Variants in SDK1 observed in about 807,000 individuals in gnomAD.
SDK1 encodes sidekick cell adhesion molecule 1, also known as protein sidekick-1.
SDK1 carries 157 observed loss-of-function variants against 245.5 expected under a neutral mutation model. The ratio of observed to expected loss-of-function variants is 0.64; its 90% confidence interval spans 0.56 to 0.73. The LOEUF is 0.73. SDK1 is among the 30% of genes least tolerant of loss of function. The pLI, the probability that SDK1 is intolerant of heterozygous loss-of-function variation, is 0.00. For missense variants in SDK1, 3,583 were observed against 3,002.3 expected (o/e 1.19, Z -4.52); for synonymous variants, 1,647 against 1,278.5 (o/e 1.29, Z -6.15).
At chr7:3,442,085 T>C (rs1235186220) in intron 1 of SDK1, among the ~76,000 whole-genome samples, 2 of 152,170 alleles carry the variant, frequency 1.3e-5, no homozygotes, top group African/African-American at 2.4e-5. Flanking sequence ...GTGGGCATTT[T>C]GGGTGAGATT....
At position 3,435,056 on chromosome 7, in the gene SDK1, A is replaced by G. The variant is rs147065760; in HGVS notation, c.298+133172A>G. Reference sequence around the variant, plus strand: ...ACAAAGTTATATCCCAAAAGTACCAAATTATGTAATTCTTTTTCTGATTAG... The same window carrying G: ...ACAAAGTTATATCCCAAAAGTACCAGATTATGTAATTCTTTTTCTGATTAG... On this transcript the variant is annotated intron_variant, in intron 1 of 44. Coordinates refer to ENST00000404826, the MANE Select transcript of SDK1 (RefSeq NM_152744.4). Among the ~76,000 whole-genome samples, 21 of 152,300 alleles carry G rather than the reference A, an allele frequency of 1.4e-4. No homozygotes were observed. The East Asian group carries it at 2.7e-3, about 20-fold the overall frequency.
rs757222277 is a variant in SDK1 at position 4,265,416 on chromosome 7, G to A, written c.*32G>A. The A allele has an allele frequency of 1.6e-4, 219 of 1,407,398 alleles. No individual in the cohort carries two copies. The highest frequency in any genetic ancestry group is 1.8e-4 in the Non-Finnish European group (197 of 1,089,530). The allele number at this position is 1,407,398 out of a possible 1,614,324, so 87.2% of individuals were successfully genotyped here. The stretch of plus-strand genomic sequence containing the variant: ...CGCCGCGCCTCCCTCAGGGCGGAAC[G>A]GAGGCAACTTTCCGGAGTCTATTTT... On this transcript the variant is annotated 3_prime_UTR_variant, in exon 45 of 45. Coordinates refer to ENST00000404826, the MANE Select transcript of SDK1 (RefSeq NM_152744.4).
chr7:3,651,533 G>A (rs944580535), intron 4 of SDK1, among the ~76,000 whole-genome samples: 2 of 152,112 alleles, frequency 1.3e-5, no homozygotes, highest in African/African-American at 4.8e-5. Context: ...AAAAAATATG[G>A]AAAATCTAGA....
intron 1 of SDK1, among the ~76,000 whole-genome samples, chr7:3,386,646 G>C (rs986962303): frequency 1.3e-5 from 2 of 152,154 alleles, no homozygotes; most frequent in Non-Finnish European, 2.9e-5. Context: ...CATTTACAGG[G>C]AAATGCTGCT....
chr7:3,951,585 A>G, intron 6 of SDK1, 145 bp from the exon 7 acceptor site: 1 of 653,196 alleles, frequency 1.5e-6, no homozygotes, highest in South Asian at 1.9e-5. Context: ...TTACATCTAG[A>G]TTGAGTTTTC....
rs566649390 is a variant in SDK1, at chr7:3,345,834, T to C, written c.298+43950T>C. Reference sequence around the variant, plus strand: ...AGCTTCTCGCAGTAATGTTTGATCCTTTATGATGCAGGTCACCCCATCTAG... The same window carrying C: ...AGCTTCTCGCAGTAATGTTTGATCCCTTATGATGCAGGTCACCCCATCTAG... On this transcript the variant is annotated intron_variant, in intron 1 of 44. Transcript: ENST00000404826. Among the ~76,000 whole-genome samples the C allele has an allele frequency of 4.6e-5, 7 of 152,322 alleles. No homozygotes were observed. In the East Asian group the frequency reaches 1.3e-3, roughly 29 times the overall value.
chr7:4,160,999 A>G (rs1163729156), intron 31 of SDK1, among the ~76,000 whole-genome samples: 1 of 152,220 alleles, frequency 6.6e-6, no homozygotes, highest in African/African-American at 2.4e-5. Context: ...CCGTTCAGTG[A>G]ATATGGACTG....
At position 3,301,278 on chromosome 7, in the gene SDK1, G is replaced by A. The variant is rs1192672182; in HGVS notation, c.-309G>A. On this transcript the variant is annotated 5_prime_UTR_variant, in exon 1 of 45. Transcript: ENST00000404826. ...CACTTTCTTCTCAGCGCCGGGCGGG[G>A]GCGGCGGCGGCGGCGGCTCCTCCGC... 1.2e-5 allele frequency among the ~76,000 whole-genome samples: 1 copy of A among 86,738 alleles called. No individual in the cohort carries two copies. Among genetic ancestry groups the A allele is most frequent in the Non-Finnish European group, 2.2e-5 (1 of 44,730 alleles). The allele number at this position is 86,738 out of a possible 152,430, so 56.9% of individuals were successfully genotyped here. A position where few individuals can be genotyped will look rare whatever the true frequency, so the allele number is the denominator to read the frequency against.
intron 1 of SDK1, among the ~76,000 whole-genome samples, chr7:3,308,767 T>C (rs1478513693): frequency 6.6e-6 from 1 of 152,098 alleles, no homozygotes; most frequent in Non-Finnish European, 1.5e-5. Context: ...TTTGGTTGCC[T>C]TTTCTCCTTT....
Position 3,969,396 on chromosome 7 carries a change from G to A in SDK1, c.1686G>A (p.Leu562=), listed in dbSNP as rs1446271214. 2 of 1,605,140 alleles carry A rather than the reference G, an allele frequency of 1.2e-6. No individual in the cohort carries two copies. Among genetic ancestry groups the A allele is most frequent in the South Asian group, 2.3e-5 (2 of 88,662 alleles). ...TCYAANTEGS[L]NASATLTVWN... ...ATGCGGCCAACACAGAGGGCTCCCTGAATGCATCGGCCACGCTCACTGTGT... is the reference window on the plus strand; with the variant it reads ...ATGCGGCCAACACAGAGGGCTCCCTAAATGCATCGGCCACGCTCACTGTGT... The change falls in exon 11 of 45, where the codon CTG becomes CTA. Residue 562 remains leucine (L), a synonymous_variant. Coordinates refer to ENST00000404826, the MANE Select transcript of SDK1 (RefSeq NM_152744.4).
intron 44 of SDK1, among the ~76,000 whole-genome samples, chr7:4,252,273 G>A (rs1199791593): frequency 1.5e-5 from 2 of 133,818 alleles, no homozygotes; most frequent in Non-Finnish European, 1.5e-5. Context: ...TGTGCTCATT[G>A]TTCAATTCCC....
At chr7:3,936,942 G>A (rs1428232905) in intron 5 of SDK1, among the ~76,000 whole-genome samples, 1 of 152,160 alleles carries the variant, frequency 6.6e-6, no homozygotes, top group Non-Finnish European at 1.5e-5. Flanking sequence ...TTCAGAGAAT[G>A]CCACACGGTC....
At chr7:3,770,010 T>G (rs1356160045) in intron 4 of SDK1, among the ~76,000 whole-genome samples, 4 of 151,748 alleles carry the variant, frequency 2.6e-5, no homozygotes, top group African/African-American at 9.7e-5. Flanking sequence ...TAAGTTCACA[T>G]ATCCCTACTA....
chr7:3,459,006 A>C (rs1163720413), intron 1 of SDK1, among the ~76,000 whole-genome samples: 1 of 152,210 alleles, frequency 6.6e-6, no homozygotes, highest in African/African-American at 2.4e-5. Flanking sequence ...TGTAGAATCA[A>C]TTGTCAAATG....
At chr7:3,566,519 C>A (rs1779924857) in intron 1 of SDK1, among the ~76,000 whole-genome samples, 1 of 151,878 alleles carries the variant, frequency 6.6e-6, no homozygotes, top group South Asian at 2.1e-4. Flanking sequence ...GCCACCACGC[C>A]CGGCCGATAA....
chr7:3,528,796 G>A (rs1783240864), intron 1 of SDK1, among the ~76,000 whole-genome samples: 1 of 152,078 alleles, frequency 6.6e-6, no homozygotes, highest in South Asian at 2.1e-4. Context: ...GGTGAATTGT[G>A]CTATTTATGA....
intron 1 of SDK1, among the ~76,000 whole-genome samples, chr7:3,606,748 G>C (rs909646707): frequency 2.0e-5 from 3 of 151,836 alleles, no homozygotes; most frequent in African/African-American, 7.3e-5. Flanking sequence ...TTCTTCCCCA[G>C]ATTTCTTTTT....
chr7:3,685,852 A>G (rs1290486063), intron 4 of SDK1, among the ~76,000 whole-genome samples: 1 of 152,156 alleles, frequency 6.6e-6, no homozygotes, highest in Non-Finnish European at 1.5e-5. Context: ...AAAAGAGAGA[A>G]TAATAAGAAT....
intron 4 of SDK1, among the ~76,000 whole-genome samples, chr7:3,714,775 T>TGTAGG (rs1355845430): frequency 6.6e-6 from 1 of 152,230 alleles, no homozygotes; most frequent in Non-Finnish European, 1.5e-5. Context: ...GATTTGCTTT[T>TGTAGG]GTAGGACGGT....
Sources: allele counts gnomAD v4.1 joint callset (sites outside exome capture counted in the v4.1 genomes callset), GRCh38; gene constraint gnomAD v4.1.1; transcripts MANE v1.5; gene names NCBI Gene and HGNC (gene_info 2026-07-23, HGNC 2026-07-21).